ROBO2: variants seen among roughly 807,000 people sequenced by gnomAD.
The protein encoded by ROBO2 is roundabout homolog 2.
Under a neutral mutation model 160.8 loss-of-function variants are expected in ROBO2, and 53 were observed. The observed-to-expected ratio is 0.33, with a 90% CI of 0.26 to 0.41. ROBO2 has a LOEUF of 0.41. ROBO2 is among the 10% of genes least tolerant of loss of function. ROBO2 has a pLI of 1.00. For missense variants in ROBO2, 1,577 were observed against 1,722.4 expected (o/e 0.92, Z 1.49); for synonymous variants, 664 against 611.7 (o/e 1.09, Z -1.26).
chr3:76,687,657 A>G (rs1308371663), intron 2 of ROBO2, among the ~76,000 whole-genome samples: 8 of 152,076 alleles, frequency 5.3e-5, no homozygotes, highest in Admixed American at 4.6e-4. Flanking sequence ...TTAAGAACAC[A>G]TTGAATTTTA....
intron 13 of ROBO2, among the ~76,000 whole-genome samples, chr3:77,571,672 C>T (rs76713921): frequency 6.6e-6 from 1 of 151,918 alleles, no homozygotes; most frequent in Non-Finnish European, 1.5e-5. Context: ...ACCCATGAAT[C>T]TGTGGTCAGA....
chr3:77,495,729 T>C (rs1560996236), intron 5 of ROBO2, among the ~76,000 whole-genome samples: 2 of 152,216 alleles, frequency 1.3e-5, no homozygotes, highest in Admixed American at 6.5e-5. Flanking sequence ...TAGCACATTG[T>C]ATCAGGGGGC....
chr3:76,716,230 C>G (rs1020535649), intron 2 of ROBO2, among the ~76,000 whole-genome samples: 1 of 152,114 alleles, frequency 6.6e-6, no homozygotes, highest in African/African-American at 2.4e-5. Flanking sequence ...TTCACTCAGG[C>G]AACTTTCCAT....
intron 2 of ROBO2, among the ~76,000 whole-genome samples, chr3:77,002,729 C>T (rs1347506990): frequency 2.0e-5 from 3 of 151,996 alleles, no homozygotes; most frequent in Non-Finnish European, 4.4e-5. Flanking sequence ...AAATCTCACC[C>T]GTAGATAATT....
chr3:77,451,667 C>A (rs1424897932), intron 2 of ROBO2, among the ~76,000 whole-genome samples: 2 of 152,030 alleles, frequency 1.3e-5, no homozygotes, highest in South Asian at 2.1e-4. Flanking sequence ...AGTTCATTTC[C>A]TCTTTATCTC....
At chr3:77,570,681 C>G (rs2093616098) in intron 13 of ROBO2, among the ~76,000 whole-genome samples, 2 of 151,846 alleles carry the variant, frequency 1.3e-5, no homozygotes, top group Admixed American at 6.6e-5. Context: ...GTCCAGTGGT[C>G]AAATAATTTG....
intron 2 of ROBO2, among the ~76,000 whole-genome samples, chr3:76,993,453 TTCATA>T (rs1559814397): frequency 6.6e-6 from 1 of 152,212 alleles, no homozygotes; most frequent in Non-Finnish European, 1.5e-5. Context: ...AATGTCTTCA[TTCATA>T]TCATAATTTT....
chr3:77,512,202 A>T (rs1165924350), intron 5 of ROBO2, among the ~76,000 whole-genome samples: 1 of 151,938 alleles, frequency 6.6e-6, no homozygotes, highest in Non-Finnish European at 1.5e-5. Context: ...TTAAATATTG[A>T]AGATTAAGAA....
chr3:76,950,292 G>A (rs1488680027), intron 2 of ROBO2, among the ~76,000 whole-genome samples: 1 of 152,106 alleles, frequency 6.6e-6, no homozygotes, highest in Non-Finnish European at 1.5e-5. Context: ...CTTTCCAAAA[G>A]CGGAATCCTT....
intron 2 of ROBO2, among the ~76,000 whole-genome samples, chr3:76,377,573 T>C (rs2076408767): frequency 6.6e-6 from 1 of 152,172 alleles, no homozygotes; most frequent in Non-Finnish European, 1.5e-5. Context: ...GCTAATCTCC[T>C]TGCTTCCAGC....
intron 2 of ROBO2, among the ~76,000 whole-genome samples, chr3:77,337,282 G>A (rs1054803276): frequency 2.0e-5 from 3 of 152,136 alleles, no homozygotes; most frequent in Admixed American, 6.6e-5. Flanking sequence ...CCAGTGATCA[G>A]AAAGTAATTT....
intron 2 of ROBO2, among the ~76,000 whole-genome samples, chr3:76,897,551 G>T (rs1052253132): frequency 6.6e-6 from 1 of 152,058 alleles, no homozygotes; most frequent in Non-Finnish European, 1.5e-5. Flanking sequence ...TACATGACAT[G>T]ATTATAAAGT....
chr3:77,348,964 C>T lies in ROBO2; in HGVS notation c.389-128450C>T, dbSNP rs74436590. Among the ~76,000 whole-genome samples the T allele has an allele frequency of 4.6e-5, 7 of 152,232 alleles. No individual in the cohort carries two copies. The East Asian group carries it at 9.7e-4, about 21-fold the overall frequency. ...CTTCTTCTCCCGAAAAGCTTCTTCT[C>T]GGAGAGGCCTTTCTTTACATTGCAA... On this transcript the variant is annotated intron_variant, in intron 2 of 25. Coordinates refer to ENST00000461745, the Ensembl canonical transcript of ROBO2.
chr3:77,407,835 C>CT (rs1326026736), intron 2 of ROBO2, among the ~76,000 whole-genome samples: 1 of 152,110 alleles, frequency 6.6e-6, no homozygotes, highest in African/African-American at 2.4e-5. Flanking sequence ...AATGATCAAA[C>CT]TTTAGTTTTG....
chr3:76,388,016 G>A (rs9861002), intron 2 of ROBO2, among the ~76,000 whole-genome samples: 9,478 of 152,088 alleles, frequency 0.062, 845 homozygotes, highest in African/African-American at 0.2. Flanking sequence ...AAAAACTTCA[G>A]GCAGTAAAGT....
intron 2 of ROBO2, among the ~76,000 whole-genome samples, chr3:77,350,112 A>AT (rs2068152842): frequency 6.6e-6 from 1 of 150,464 alleles, no homozygotes. Flanking sequence ...TATATATAAT[A>AT]TATATATATA....
intron 2 of ROBO2, among the ~76,000 whole-genome samples, chr3:76,177,244 A>G (rs1257432670): frequency 6.6e-6 from 1 of 152,102 alleles, no homozygotes; most frequent in Non-Finnish European, 1.5e-5. Context: ...TTGGAAGGAG[A>G]TGGTATCTTA....
Position 76,167,448 on chromosome 3 carries a change from C to T in ROBO2, c.109+229846C>T, listed in dbSNP as rs192651498. Among the ~76,000 whole-genome samples, 20 of 152,238 alleles carry T rather than the reference C, an allele frequency of 1.3e-4. No individual in the cohort carries two copies. The East Asian group carries it at 3.1e-3, about 24-fold the overall frequency. On this transcript the variant is annotated intron_variant, in intron 2 of 26. Coordinates refer to the ROBO2 transcript ENST00000487694. ...CTTGACCATGTCCCTAGACAATGTC[C>T]CTCTGGATTAAATTTATCTTCTTCG...
chr3:77,166,840 T>G (rs1178019457), intron 2 of ROBO2, among the ~76,000 whole-genome samples: 3 of 152,218 alleles, frequency 2.0e-5, no homozygotes, highest in Non-Finnish European at 4.4e-5. Flanking sequence ...ATTACAGGCG[T>G]GAGCCCCCGC....
Sources: allele counts gnomAD v4.1 joint callset (sites outside exome capture counted in the v4.1 genomes callset), GRCh38; gene constraint gnomAD v4.1.1; transcripts MANE v1.5; gene names NCBI Gene and HGNC (gene_info 2026-07-23, HGNC 2026-07-21).